The following LINGO2 variants were observed in gnomAD, a reference collection of about 807,000 sequenced individuals.
The protein encoded by LINGO2 is leucine-rich repeat and immunoglobulin-like domain-containing nogo receptor-interacting protein 2.
LINGO2 carries 14 observed loss-of-function variants against 30.6 expected under a neutral mutation model. The observed-to-expected ratio is 0.46, with a 90% CI of 0.30 to 0.72. The LOEUF (loss-of-function observed/expected upper bound fraction) is 0.72, where lower values mean the gene tolerates loss of function less well. Ranked by LOEUF, LINGO2 falls within the 30% of genes least tolerant of loss-of-function variation. The pLI is 0.07. For missense variants in LINGO2, 729 were observed against 751.7 expected, an observed-to-expected ratio of 0.97 and a Z score of 0.35; for synonymous variants, 317 against 288.5, an observed-to-expected ratio of 1.10 and a Z score of -1.00.
At chr9:28,008,873 C>G (rs1459988573) in intron 5 of LINGO2, among the ~76,000 whole-genome samples, 2 of 152,066 alleles carry the variant, frequency 1.3e-5, no homozygotes, top group African/African-American at 4.8e-5. Context: ...TAATACATAT[C>G]AAAATCATGA....
the LINGO2 span, among the ~76,000 whole-genome samples, chr9:28,745,480 T>C: frequency 6.6e-6 from 1 of 152,076 alleles, no homozygotes; most frequent in East Asian, 1.9e-4. Context: ...CAAGATTTAG[T>C]CAATTTTTGT....
At chr9:28,870,896 G>A in the LINGO2 span, among the ~76,000 whole-genome samples, 2 of 151,888 alleles carry the variant, frequency 1.3e-5, no homozygotes, top group Non-Finnish European at 2.9e-5. Flanking sequence ...ACATGTATCA[G>A]CCAAAGGCGA....
At chr9:28,337,229 T>C (rs1011002956) in intron 3 of LINGO2, among the ~76,000 whole-genome samples, 17 of 151,812 alleles carry the variant, frequency 1.1e-4, no homozygotes, top group African/African-American at 3.6e-4. Context: ...TTTTCTACAA[T>C]GCTTATGTAT....
intron 1 of LINGO2, among the ~76,000 whole-genome samples, chr9:28,493,120 C>T (rs184113655): frequency 6.6e-6 from 1 of 151,948 alleles, no homozygotes; most frequent in Non-Finnish European, 1.5e-5. Context: ...TAGTTTGTGG[C>T]GTTTGTCCTA....
At chr9:28,863,786 T>C in the LINGO2 span, 1 of 378,182 alleles carries the variant, frequency 2.6e-6, no homozygotes, top group Non-Finnish European at 6.0e-6. Flanking sequence ...AGTATTTCCA[T>C]CTAGTTCACA....
intron 2 of LINGO2, among the ~76,000 whole-genome samples, chr9:28,406,061 A>T (rs940397420): frequency 6.6e-6 from 1 of 152,026 alleles, no homozygotes; most frequent in Non-Finnish European, 1.5e-5. Flanking sequence ...TCTTATCTTT[A>T]TTCTAATTCC....
At chr9:28,117,313 A>G (rs1292972893) in intron 4 of LINGO2, among the ~76,000 whole-genome samples, 2 of 147,200 alleles carry the variant, frequency 1.4e-5, no homozygotes, top group Non-Finnish European at 3.0e-5. Flanking sequence ...GCTCTCTTCA[A>G]AGCTGTCAGA....
At chr9:28,641,077 A>T (rs746167794) in intron 1 of LINGO2, among the ~76,000 whole-genome samples, 6 of 152,034 alleles carry the variant, frequency 3.9e-5, no homozygotes, top group Non-Finnish European at 8.8e-5. Context: ...TCTGTCGCCC[A>T]GGCTGGAGTG....
At chr9:28,033,009 A>G (rs1348450378) in intron 4 of LINGO2, among the ~76,000 whole-genome samples, 1 of 152,190 alleles carries the variant, frequency 6.6e-6, no homozygotes, top group African/African-American at 2.4e-5. Context: ...GCGGCTCTCA[A>G]ATCAGATGAG....
chr9:29,037,411 A>T, the LINGO2 span, among the ~76,000 whole-genome samples: 1 of 151,942 alleles, frequency 6.6e-6, no homozygotes, highest in Non-Finnish European at 1.5e-5. Context: ...GTGGAACTTA[A>T]TTGTAGCTTA....
At chr9:28,829,325 T>C in the LINGO2 span, among the ~76,000 whole-genome samples, 2 of 152,290 alleles carry the variant, frequency 1.3e-5, no homozygotes, top group East Asian at 1.9e-4. Flanking sequence ...CTTCAATTTG[T>C]TCATGTGGCC....
intron 1 of LINGO2, among the ~76,000 whole-genome samples, chr9:28,592,168 A>G (rs181959834): frequency 6.6e-6 from 1 of 152,214 alleles, no homozygotes; most frequent in Admixed American, 6.6e-5. Flanking sequence ...TTTAATCTTC[A>G]TAAGCCCTTC....
chr9:28,111,515 A>G (rs953029147), intron 4 of LINGO2, among the ~76,000 whole-genome samples: 7 of 152,130 alleles, frequency 4.6e-5, no homozygotes, highest in Non-Finnish European at 8.8e-5. Flanking sequence ...AACTCGGGCC[A>G]GCTGTTTTGT....
At chr9:28,548,987 A>T (rs765138943) in intron 1 of LINGO2, among the ~76,000 whole-genome samples, 3 of 152,166 alleles carry the variant, frequency 2.0e-5, no homozygotes, top group Admixed American at 6.6e-5. Flanking sequence ...CTGTATAGAT[A>T]TAATACATAT....
intron 2 of LINGO2, among the ~76,000 whole-genome samples, chr9:28,414,441 C>T (rs1822892882): frequency 6.6e-6 from 1 of 152,040 alleles, no homozygotes; most frequent in Admixed American, 6.6e-5. Context: ...GCTTGCAAGT[C>T]TTCAAAACCT....
chr9:28,834,833 T>G, the LINGO2 span, among the ~76,000 whole-genome samples: 1 of 152,170 alleles, frequency 6.6e-6, no homozygotes, highest in African/African-American at 2.4e-5. Context: ...TCCAACATAG[T>G]AGGTGAATCA....
At chr9:28,319,423 T>C (rs207470174) in intron 3 of LINGO2, among the ~76,000 whole-genome samples, 2 of 152,180 alleles carry the variant, frequency 1.3e-5, no homozygotes, top group African/African-American at 4.8e-5. Flanking sequence ...TGTTTTAAGA[T>C]TCCAAATCTT....
chr9:29,100,675 T>C, the LINGO2 span, among the ~76,000 whole-genome samples: 3 of 152,032 alleles, frequency 2.0e-5, no homozygotes, highest in Non-Finnish European at 4.4e-5. Context: ...GACCATGGTA[T>C]AAAAATAATT....
At chr9:28,766,562 T>C in the LINGO2 span, among the ~76,000 whole-genome samples, 62 of 151,948 alleles carry the variant, frequency 4.1e-4, no homozygotes, top group African/African-American at 1.4e-3. Context: ...TGAACCACAA[T>C]CTCTCTTCTG....
Sources: gnomAD v4.1 joint callset for allele counts (sites outside exome capture counted in the v4.1 genomes callset) on GRCh38, gnomAD v4.1.1 for gene constraint, MANE v1.5 for transcripts, NCBI Gene and HGNC (gene_info 2026-07-23, HGNC 2026-07-21) for gene names.